PPP2R3B: variants seen among roughly 807,000 people sequenced by gnomAD.
The protein encoded by PPP2R3B is serine/threonine-protein phosphatase 2A regulatory subunit B'' subunit beta.
In PPP2R3B, 68 loss-of-function variants were observed where a neutral mutation model predicts 72.9. The observed-to-expected ratio is 0.93, with a 90% CI of 0.77 to 1.14. PPP2R3B has a LOEUF of 1.14. Ranked by LOEUF, PPP2R3B falls within the 50% of genes most tolerant of loss-of-function variation. The pLI, the probability that PPP2R3B is intolerant of heterozygous loss-of-function variation, is 0.00. For synonymous variants in PPP2R3B, 466 were observed against 375.8 expected (o/e 1.24, Z -2.78); for missense variants, 1,018 against 842.0 (o/e 1.21, Z -2.59).
Position 340,746 on chromosome X carries a change from T to TCCTCTCACCC in PPP2R3B, c.1351+18_1351+19insGGGTGAGAGG. 1 of 1,589,634 alleles carries TCCTCTCACCC rather than the reference T, an allele frequency of 6.3e-7. No individual in the cohort carries two copies. Among genetic ancestry groups the TCCTCTCACCC allele is most frequent in the Non-Finnish European group, 8.6e-7 (1 of 1,162,042 alleles). ...CCGTCCGTCCCCTCACCCTGGGCCA[T>TCCTCTCACCC]GCCCTCACGGGGCATCACCTTCAGT... On this transcript the variant is annotated intron_variant, in intron 10 of 12. Coordinates refer to ENST00000390665, the MANE Select transcript of PPP2R3B (RefSeq NM_013239.5).
Position 384,297 on chromosome X carries a change from T to TAC in PPP2R3B, c.324+2069_324+2070dup, listed in dbSNP as rs766068828. 8.6e-3 allele frequency among the ~76,000 whole-genome samples: 1,271 copies of TAC among 148,588 alleles called. 24 individuals are homozygous for TAC. Among genetic ancestry groups the TAC allele is most frequent in the African/African-American group, 0.03 (1,196 of 39,824 alleles). Reference sequence around the variant, plus strand: ...CTCTCTCTCTCTATATATATATATATACTTTTTTTTTTTTTTTGAGACAGG... The same window carrying TAC: ...CTCTCTCTCTCTATATATATATATATACACTTTTTTTTTTTTTTTGAGACAGG... On this transcript the variant is annotated intron_variant, in intron 1 of 12. Transcript: ENST00000390665.
Position 386,793 on chromosome X carries a change from G to T in PPP2R3B, c.-102C>A, listed in dbSNP as rs1426489520. 4.5e-5 allele frequency: 30 copies of T among 660,492 alleles called. No individual in the cohort carries two copies. Among genetic ancestry groups the T allele is most frequent in the Non-Finnish European group, 5.7e-5 (28 of 494,682 alleles). The allele number at this position is 660,492 out of a possible 1,614,324, so 40.9% of individuals were successfully genotyped here. A position where few individuals can be genotyped will look rare whatever the true frequency, so the allele number is the denominator to read the frequency against. On this transcript the variant is annotated 5_prime_UTR_variant, in exon 1 of 13. Transcript: ENST00000390665. The stretch of plus-strand genomic sequence containing the variant: ...GACCTCGGTGATGCGAGCACGGCCC[G>T]CTGAGGGGGCGCGGCGCAGGGAACA...
chrX:347,401 G>A, intron 3 of PPP2R3B, 65 bp from the exon 4 acceptor site: 1 of 1,486,826 alleles, frequency 6.7e-7, no homozygotes, highest in Non-Finnish European at 9.4e-7. Context: ...CGCAGACGCA[G>A]GGTGGAACAC....
intron 1 of PPP2R3B, among the ~76,000 whole-genome samples, chrX:371,523 G>A (rs1371449835): frequency 1.3e-5 from 2 of 152,016 alleles, no homozygotes; most frequent in South Asian, 2.1e-4. Flanking sequence ...CAGGTGGGAC[G>A]TCGCACAGTC....
chrX:379,246 TGTG>T (rs1163908933), intron 1 of PPP2R3B, among the ~76,000 whole-genome samples: 2 of 151,926 alleles, frequency 1.3e-5, no homozygotes, highest in Non-Finnish European at 2.9e-5. Context: ...CCTATGTGTG[TGTG>T]TGTGTATGGA....
At chrX:372,651 T>C (rs2071891338) in intron 1 of PPP2R3B, among the ~76,000 whole-genome samples, 1 of 152,204 alleles carries the variant, frequency 6.6e-6, no homozygotes, top group East Asian at 1.9e-4. Flanking sequence ...TGAGCACTTA[T>C]GAGAACTGAG....
intron 4 of PPP2R3B, among the ~76,000 whole-genome samples, chrX:347,020 G>C (rs1484676789): frequency 2.0e-5 from 3 of 149,080 alleles, no homozygotes; most frequent in Non-Finnish European, 4.5e-5. Flanking sequence ...TCCCGTGAGC[G>C]ATGAGGTGTG....
At chrX:347,775 G>T in intron 2 of PPP2R3B, 82 bp from the exon 3 acceptor site, 1 of 1,015,432 alleles carries the variant, frequency 9.8e-7, no homozygotes, top group Non-Finnish European at 1.4e-6. Context: ...CCTGACCGAC[G>T]CCGCCCAGAG....
chrX:352,512 A>ACACCTTGCTCCGTGTGGATCGTCTGCC (rs1556156710), intron 2 of PPP2R3B, among the ~76,000 whole-genome samples: 9,292 of 149,658 alleles, frequency 0.062, 697 homozygotes, highest in East Asian at 0.2. Flanking sequence ...TGGGACTCAC[A>ACACCTTGCTCCGTGTGGATCGTCTGCC]CACCTTGCTC....
chrX:346,066 A>AGAGGGGGTGGGAGGGGAGGAGG, intron 6 of PPP2R3B, 108 bp downstream of exon 6: 1 of 452,132 alleles, frequency 2.2e-6, no homozygotes. Flanking sequence ...TGGGGGTGGG[A>AGAGGGGGTGGGAGGGGAGGAGG]GAGGGGGTGG....
At chrX:360,490 C>T (rs1270369320) in intron 2 of PPP2R3B, among the ~76,000 whole-genome samples, 2 of 152,218 alleles carry the variant, frequency 1.3e-5, no homozygotes, top group Non-Finnish European at 2.9e-5. Flanking sequence ...GCCGAGATTA[C>T]ACCACTGCAC....
chrX:374,217 A>G (rs753358290), intron 1 of PPP2R3B, among the ~76,000 whole-genome samples: 2 of 152,184 alleles, frequency 1.3e-5, no homozygotes, highest in South Asian at 4.1e-4. Context: ...CCCCGCGAGA[A>G]GTGAGGTCCC....
At chrX:350,711 G>A (rs1187469791) in intron 2 of PPP2R3B, among the ~76,000 whole-genome samples, 6 of 152,244 alleles carry the variant, frequency 3.9e-5, no homozygotes, top group Non-Finnish European at 8.8e-5. Flanking sequence ...CAGGTCCCGC[G>A]AGGCTGCCAG....
chrX:374,362 G>A (rs1439415150), intron 1 of PPP2R3B, among the ~76,000 whole-genome samples: 4 of 152,316 alleles, frequency 2.6e-5, no homozygotes, highest in African/African-American at 7.2e-5. Context: ...CCGGCAGCCC[G>A]GCATCAAAGC....
intron 2 of PPP2R3B, among the ~76,000 whole-genome samples, chrX:358,814 C>T (rs1180658295): frequency 6.3e-4 from 77 of 121,516 alleles, no homozygotes; most frequent in African/African-American, 2.0e-3. Context: ...CTGTGGGGGG[C>T]GGCACCACGG....
intron 2 of PPP2R3B, among the ~76,000 whole-genome samples, chrX:357,761 G>C (rs1472379223): frequency 6.6e-6 from 1 of 152,200 alleles, no homozygotes. Flanking sequence ...GTGTTTTCCT[G>C]TGGGGGCAGC....
chrX:380,427 T>G (rs1436779405), intron 1 of PPP2R3B, among the ~76,000 whole-genome samples: 5 of 151,974 alleles, frequency 3.3e-5, no homozygotes, highest in African/African-American at 1.2e-4. Context: ...GGGAACCACA[T>G]GAATGGCAAA....
intron 1 of PPP2R3B, among the ~76,000 whole-genome samples, chrX:369,932 G>C (rs926573707): frequency 6.6e-6 from 1 of 152,102 alleles, no homozygotes; most frequent in Non-Finnish European, 1.5e-5. Flanking sequence ...GGGTTTGGCC[G>C]GGACGCACAC....
chrX:363,071 C>T (rs1245519272), intron 1 of PPP2R3B, among the ~76,000 whole-genome samples: 9 of 152,102 alleles, frequency 5.9e-5, no homozygotes, highest in East Asian at 1.9e-4. Context: ...GAACAGAGGC[C>T]GCCTCCGTGA....
Sources: gnomAD v4.1 joint callset for allele counts (sites outside exome capture counted in the v4.1 genomes callset) on GRCh38, gnomAD v4.1.1 for gene constraint, MANE v1.5 for transcripts, NCBI Gene and HGNC (gene_info 2026-07-23, HGNC 2026-07-21) for gene names.